The following PIK3C2G variants were observed in gnomAD, a reference collection of about 807,000 sequenced individuals.
PIK3C2G encodes phosphatidylinositol 3-kinase C2 domain-containing subunit gamma.
PIK3C2G carries 168 observed loss-of-function variants against 181.1 expected under a neutral mutation model. The observed-to-expected ratio is 0.93, with a 90% CI of 0.82 to 1.05. PIK3C2G has a LOEUF of 1.05. Ranked by LOEUF, PIK3C2G falls within the 50% of genes least tolerant of loss-of-function variation. PIK3C2G has a pLI of 0.00. For missense variants in PIK3C2G, 1,869 were observed against 1,732.8 expected (o/e 1.08, Z -1.40); for synonymous variants, 573 against 592.2 (o/e 0.97, Z 0.47).
At chr12:18,587,342 A>G (rs567778619) in intron 29 of PIK3C2G, among the ~76,000 whole-genome samples, 5 of 152,320 alleles carry the variant, frequency 3.3e-5, no homozygotes, top group African/African-American at 1.2e-4. Flanking sequence ...TTAAGCTAAC[A>G]GACAACTTCA....
intron 30 of PIK3C2G, among the ~76,000 whole-genome samples, chr12:18,608,840 T>A (rs1948192616): frequency 6.6e-6 from 1 of 152,158 alleles, no homozygotes; most frequent in Non-Finnish European, 1.5e-5. Flanking sequence ...AAAATAATCT[T>A]ATGAAAGTTG....
Position 18,370,642 on chromosome 12 carries a change from A to T in PIK3C2G, c.1749-538A>T, listed in dbSNP as rs1941983773. ...GGCAACCACCTATCTTTCTAATTAC[A>T]TCCTCCACAATCTCCCCTATCAACT... On this transcript the variant is annotated intron_variant, in intron 12 of 32. Coordinates refer to ENST00000538779, the MANE Select transcript of PIK3C2G (RefSeq NM_001288772.2). Among the ~76,000 whole-genome samples, 3 of 152,110 alleles carry T rather than the reference A, an allele frequency of 2.0e-5. No homozygotes were observed. In the South Asian group the frequency reaches 6.2e-4, roughly 31 times the overall value.
chr12:18,303,825 C>G (rs1036131162), intron 5 of PIK3C2G, among the ~76,000 whole-genome samples: 1 of 151,854 alleles, frequency 6.6e-6, no homozygotes, highest in South Asian at 2.1e-4. Flanking sequence ...AATTCTGTTT[C>G]GGCCAATTGC....
At chr12:18,313,799 TA>T (rs1950739526) in intron 5 of PIK3C2G, among the ~76,000 whole-genome samples, 162 bp from the exon 6 acceptor site, 3 of 119,152 alleles carry the variant, frequency 2.5e-5, no homozygotes, top group East Asian at 2.6e-4. Flanking sequence ...GTAATGCATA[TA>T]TATTCACACA....
At chr12:18,654,000 G>T in the PIK3C2G span, among the ~76,000 whole-genome samples, 3 of 151,970 alleles carry the variant, frequency 2.0e-5, no homozygotes, top group Non-Finnish European at 4.4e-5. Flanking sequence ...GCTTAAAAAA[G>T]AGCCTCATTT....
At chr12:18,650,722 A>ATC (rs1565602729), downstream of PIK3C2G, among the ~76,000 whole-genome samples, 3 of 16,580 alleles carry the variant, frequency 1.8e-4, no homozygotes, top group South Asian at 1.9e-3. Context: ...CTATATATAT[A>ATC]TATATATATA....
intron 31 of PIK3C2G, among the ~76,000 whole-genome samples, chr12:18,625,202 G>A (rs752516332): frequency 5.3e-5 from 8 of 151,398 alleles, no homozygotes; most frequent in Non-Finnish European, 1.0e-4. Flanking sequence ...TGTATCTCAT[G>A]TTTTGTTATG....
intron 14 of PIK3C2G, among the ~76,000 whole-genome samples, chr12:18,383,444 A>C (rs1942970066): frequency 6.6e-6 from 1 of 152,198 alleles, no homozygotes; most frequent in South Asian, 2.1e-4. Context: ...AAATGTAAAA[A>C]GTCTGGGGAC....
chr12:18,580,285 CT>C (rs1306659778), intron 29 of PIK3C2G, among the ~76,000 whole-genome samples: 5 of 152,172 alleles, frequency 3.3e-5, no homozygotes, highest in African/African-American at 1.2e-4. Context: ...GCCATATTCA[CT>C]GTGAGCTTTA....
At chr12:18,521,084 C>T (rs915874725) in intron 24 of PIK3C2G, among the ~76,000 whole-genome samples, 1 of 151,988 alleles carries the variant, frequency 6.6e-6, no homozygotes, top group Admixed American at 6.6e-5. Context: ...AGATGTCACT[C>T]GAGAAGGCTG....
At chr12:18,257,814 GGAGAAAGA>G (rs776941877), upstream of PIK3C2G, among the ~76,000 whole-genome samples, 42 of 139,424 alleles carry the variant, frequency 3.0e-4, no homozygotes, top group Admixed American at 7.8e-4. Flanking sequence ...AAAGAAAGAA[GGAGAAAGA>G]GAAAGAAAGA....
intron 16 of PIK3C2G, among the ~76,000 whole-genome samples, chr12:18,414,515 T>A (rs1285627475): frequency 6.6e-6 from 1 of 152,050 alleles, no homozygotes; most frequent in East Asian, 1.9e-4. Context: ...TCATTAAACT[T>A]TTTTACTATT....
In PIK3C2G at chr12:18,282,269, T is replaced by C; in HGVS notation, c.188T>C (p.Phe63Ser). The C allele has an allele frequency of 6.2e-7, 1 of 1,613,732 alleles. No individual in the cohort carries two copies. Among genetic ancestry groups the C allele is most frequent in the Non-Finnish European group, 8.5e-7 (1 of 1,179,732 alleles). ...GAGAGTGAAATTGATGAAAACACCT[T>C]TTTTGTGCCCACTGCACCAAAATGG... ...HYESEIDENT[F>S]FVPTAPKWDS... is the part of the protein sequence containing the mutation. Residue 63 changes from phenylalanine (F) to serine (S), a missense_variant, in exon 2 of 33, where the codon TTT (phenylalanine) becomes TCT (serine). By Grantham distance (155) the Phe-to-Ser change is radical. Transcript: ENST00000538779.
At chr12:18,387,195 C>T (rs1943230940) in intron 14 of PIK3C2G, among the ~76,000 whole-genome samples, 1 of 152,028 alleles carries the variant, frequency 6.6e-6, no homozygotes, top group Admixed American at 6.6e-5. Flanking sequence ...ATTGTCTATC[C>T]TCTCAATTCC....
intron 13 of PIK3C2G, among the ~76,000 whole-genome samples, chr12:18,374,342 C>G (rs927625036): frequency 6.6e-6 from 1 of 152,204 alleles, no homozygotes; most frequent in Non-Finnish European, 1.5e-5. Flanking sequence ...GTAGCCAACC[C>G]TGACTCCACT....
chr12:18,596,166 TA>T (rs1470740780), intron 30 of PIK3C2G, among the ~76,000 whole-genome samples: 1 of 152,034 alleles, frequency 6.6e-6, no homozygotes, highest in Non-Finnish European at 1.5e-5. Flanking sequence ...ATTTGTAAAA[TA>T]ATTTTTGATT....
intron 25 of PIK3C2G, among the ~76,000 whole-genome samples, chr12:18,539,860 C>T (rs2136245528): frequency 6.6e-6 from 1 of 151,964 alleles, no homozygotes; most frequent in African/African-American, 2.4e-5. Context: ...TAAAGTTCTA[C>T]CCATCTCCGA....
intron 30 of PIK3C2G, among the ~76,000 whole-genome samples, chr12:18,606,441 T>C (rs1268728330): frequency 6.6e-6 from 1 of 152,124 alleles, no homozygotes; most frequent in Admixed American, 6.6e-5. Context: ...AAGAACTATC[T>C]CATAGTATCT....
intron 30 of PIK3C2G, among the ~76,000 whole-genome samples, chr12:18,595,178 T>A (rs924691254): frequency 3.9e-5 from 6 of 152,114 alleles, no homozygotes; most frequent in Non-Finnish European, 7.4e-5. Flanking sequence ...CAGGAAGTTA[T>A]TCCTTCTTGT....
Sources: gnomAD v4.1 joint callset for allele counts (sites outside exome capture counted in the v4.1 genomes callset) on GRCh38, gnomAD v4.1.1 for gene constraint, MANE v1.5 for transcripts, NCBI Gene and HGNC (gene_info 2026-07-23, HGNC 2026-07-21) for gene names.